Variants in WDR4 observed in about 807,000 individuals in gnomAD.
WDR4 encodes WDR4 tRNA N7-guanosine methyltransferase non-catalytic subunit, also known as tRNA (guanine-N(7)-)-methyltransferase non-catalytic subunit WDR4.
Under a neutral mutation model 48.6 loss-of-function variants are expected in WDR4, and 47 were observed. That is an observed-to-expected ratio of 0.97 (90% confidence interval 0.77 to 1.23). The LOEUF is 1.23. Ranked by LOEUF, WDR4 falls within the 50% of genes most tolerant of loss-of-function variation. WDR4 has a pLI of 0.00. For synonymous variants in WDR4, 268 were observed against 230.0 expected (o/e 1.17, Z -1.49); for missense variants, 606 against 551.6 (o/e 1.10, Z -0.99).
the WDR4 span, among the ~76,000 whole-genome samples, chr21:42,890,928 T>C: frequency 6.6e-6 from 1 of 152,226 alleles, no homozygotes; most frequent in African/African-American, 2.4e-5. Flanking sequence ...CCAACCAGGC[T>C]GCATAGGCTT....
chr21:42,879,118 G>C, intron 1 of WDR4: 3 of 1,211,292 alleles, frequency 2.5e-6, no homozygotes, highest in Non-Finnish European at 3.1e-6. Flanking sequence ...GAGACCGGAA[G>C]CGACCCGGCG....
rs758993471 is a variant in WDR4, at chr21:42,879,466, G to A, written c.30C>T (p.Cys10=). The A allele has an allele frequency of 1.2e-6, 2 of 1,613,384 alleles. No homozygotes were observed. Among genetic ancestry groups the A allele is most frequent in the Non-Finnish European group, 8.5e-7 (1 of 1,179,806 alleles). MAGSVGLAL[C]GQTLVVRGGS... is the part of the protein sequence containing the mutation. Reference sequence around the variant, plus strand: ...CGCCCCGCACCACCAACGTCTGCCCGCACAACGCCAGTCCCACAGAGCCCG... The same window carrying A: ...CGCCCCGCACCACCAACGTCTGCCCACACAACGCCAGTCCCACAGAGCCCG... The change falls in exon 1 of 11, where the codon TGC becomes TGT. Residue 10 remains cysteine (C), a synonymous_variant. Transcript: ENST00000398208.
intron 3 of WDR4, among the ~76,000 whole-genome samples, chr21:42,865,770 C>T (rs1194299818): frequency 2.6e-5 from 4 of 152,122 alleles, no homozygotes; most frequent in East Asian, 1.9e-4. Flanking sequence ...GGTCTCAGCA[C>T]TCCCTCCACA....
chr21:42,875,940 C>T (rs1262189741), intron 2 of WDR4, among the ~76,000 whole-genome samples: 2 of 24,840 alleles, frequency 8.1e-5, no homozygotes, highest in Admixed American at 2.3e-4. Flanking sequence ...TTTTTTGAGA[C>T]GGAGTCTTGC....
intron 2 of WDR4, among the ~76,000 whole-genome samples, chr21:42,875,773 C>T (rs575126102): frequency 2.0e-5 from 3 of 152,172 alleles, no homozygotes; most frequent in Non-Finnish European, 4.4e-5. Flanking sequence ...AGCCACCATA[C>T]GAAACACTCA....
intron 3 of WDR4, among the ~76,000 whole-genome samples, chr21:42,865,899 C>T (rs1211877395): frequency 2.0e-5 from 3 of 152,112 alleles, no homozygotes; most frequent in Non-Finnish European, 4.4e-5. Flanking sequence ...ACTGAGTTGG[C>T]ACTGCCCCAA....
At position 42,853,756 on chromosome 21, in the gene WDR4, G is replaced by C. The variant is rs377558941; in HGVS notation, c.792-4C>G. 1.9e-6 allele frequency: 3 copies of C among 1,550,020 alleles called. No individual in the cohort carries two copies. The highest frequency in any genetic ancestry group is 2.6e-6 in the Non-Finnish European group (3 of 1,147,198). On this transcript the variant is annotated splice_polypyrimidine_tract_variant and splice_region_variant and intron_variant, in intron 8 of 10. Transcript: ENST00000398208. ...GAAGATGTAGACCACAGGAGTGCTT[G>C]CCACGAAGAAAGAGAGCATGATTAC... is the stretch of plus-strand genomic sequence containing the variant.
intron 1 of WDR4, among the ~76,000 whole-genome samples, chr21:42,877,057 T>C (rs1398033662): frequency 6.6e-6 from 1 of 151,536 alleles, no homozygotes; most frequent in Non-Finnish European, 1.5e-5. Flanking sequence ...CCTCAGGTGA[T>C]CCACCAACCT....
chr21:42,865,442 T>A (rs2058225396), intron 3 of WDR4, among the ~76,000 whole-genome samples: 2 of 151,666 alleles, frequency 1.3e-5, no homozygotes, highest in Admixed American at 1.3e-4. Context: ...AGGGCGCTCA[T>A]CCCCCCAGCC....
chr21:42,879,187 C>G (rs1363321908), intron 1 of WDR4: 10 of 1,335,914 alleles, frequency 7.5e-6, no homozygotes, highest in African/African-American at 1.5e-5. Context: ...CGCGCCGGAG[C>G]CGGGGAGCGG....
At chr21:42,879,045 G>C (rs2058567271) in intron 1 of WDR4, 1 of 1,074,994 alleles carries the variant, frequency 9.3e-7, no homozygotes, top group African/African-American at 1.7e-5. Flanking sequence ...GTTCGGCCGG[G>C]CCTTGCTGAC....
chr21:42,859,058 A>C (rs1014952276), intron 6 of WDR4, among the ~76,000 whole-genome samples: 1 of 152,100 alleles, frequency 6.6e-6, no homozygotes, highest in East Asian at 1.9e-4. Context: ...TCTCATCACT[A>C]AACTGTAAGG....
At chr21:42,851,922 T>A (rs573282627) in intron 10 of WDR4, among the ~76,000 whole-genome samples, 1 of 152,352 alleles carries the variant, frequency 6.6e-6, no homozygotes, top group East Asian at 1.9e-4. Context: ...GGACCAGGCA[T>A]GAGGCAGCAC....
intron 4 of WDR4, among the ~76,000 whole-genome samples, chr21:42,863,001 C>T (rs2058154333): frequency 6.6e-6 from 1 of 152,180 alleles, no homozygotes; most frequent in Non-Finnish European, 1.5e-5. Flanking sequence ...GCTCCTACAG[C>T]ACCTGGCACA....
chr21:42,861,523 G>C (rs1335458773), intron 5 of WDR4, among the ~76,000 whole-genome samples: 3 of 152,180 alleles, frequency 2.0e-5, no homozygotes, highest in Non-Finnish European at 4.4e-5. Flanking sequence ...ACCCCAGCGA[G>C]AGATGGTGAA....
At chr21:42,877,730 A>G (rs1256416521) in intron 1 of WDR4, among the ~76,000 whole-genome samples, 1 of 152,166 alleles carries the variant, frequency 6.6e-6, no homozygotes, top group Non-Finnish European at 1.5e-5. Context: ...TAGGCACCAC[A>G]AAATCTATGC....
chr21:42,870,279 A>C lies in WDR4; in HGVS notation c.296+3272T>G, dbSNP rs545049765. Reference sequence around the variant, plus strand: ...GGCAGAAGAATCGCTTGAACCCGGGAGGTGGAGGTTGCAGTGAGCCGGGAT... The same window carrying C: ...GGCAGAAGAATCGCTTGAACCCGGGCGGTGGAGGTTGCAGTGAGCCGGGAT... On this transcript the variant is annotated intron_variant, in intron 3 of 10. Coordinates refer to ENST00000398208, the MANE Select transcript of WDR4 (RefSeq NM_018669.6). Among the ~76,000 whole-genome samples, 6 of 152,278 alleles carry C rather than the reference A, an allele frequency of 3.9e-5. No homozygotes were observed. In the East Asian group the frequency reaches 9.7e-4, roughly 25 times the overall value.
intron 3 of WDR4, among the ~76,000 whole-genome samples, chr21:42,865,867 T>C (rs1179814989): frequency 6.6e-6 from 1 of 151,882 alleles, no homozygotes; most frequent in Non-Finnish European, 1.5e-5. Flanking sequence ...AGGAGTCGAG[T>C]GGCTGAGCCC....
chr21:42,884,615 C>G, the WDR4 span, among the ~76,000 whole-genome samples: 1 of 151,652 alleles, frequency 6.6e-6, no homozygotes, highest in African/African-American at 2.4e-5. Context: ...CCATTGCACT[C>G]CAGCCTGGGC....
Sources: allele counts gnomAD v4.1 joint callset (sites outside exome capture counted in the v4.1 genomes callset), GRCh38; gene constraint gnomAD v4.1.1; transcripts MANE v1.5; gene names NCBI Gene and HGNC (gene_info 2026-07-23, HGNC 2026-07-21).